The following GABRP variants were observed in gnomAD, a reference collection of about 807,000 sequenced individuals.
The protein encoded by GABRP is gamma-aminobutyric acid type A receptor subunit pi, also known as gamma-aminobutyric acid receptor subunit pi.
Under a neutral mutation model 47.8 loss-of-function variants are expected in GABRP, and 52 were observed. That is an observed-to-expected ratio of 1.09 (90% CI 0.87 to 1.37). The LOEUF (loss-of-function observed/expected upper bound fraction) is 1.37. GABRP is among the 40% of genes most tolerant of loss of function. The probability of loss-of-function intolerance (pLI) is 0.00; values close to 1 mark genes in which losing one functional copy is unlikely to be tolerated. For missense variants in GABRP, 525 were observed against 542.8 expected, an observed-to-expected ratio of 0.97 and a Z score of 0.33; for synonymous variants, 221 against 205.8, an observed-to-expected ratio of 1.07 and a Z score of -0.63.
chr5:170,786,341 C>G (rs2127247737), intron 1 of GABRP, among the ~76,000 whole-genome samples: 1 of 152,060 alleles, frequency 6.6e-6, no homozygotes, highest in East Asian at 1.9e-4. Flanking sequence ...TGAGTGAGAA[C>G]AAAAAAGCTA....
chr5:170,789,180 G>A lies in GABRP; in HGVS notation c.105G>A (p.Lys35=). ...QFNVEVGRSD[K]LSLPGFENLT... is the part of the protein sequence containing the mutation. ...ACGTCGAGGTCGGCAGAAGTGACAA[G>A]CTTTCCCTGCCTGGCTTTGAGAACC... The change falls in exon 3 of 10, where the codon AAG becomes AAA. Residue 35 remains lysine (K), a synonymous_variant. Transcript: ENST00000265294. 1 of 1,614,190 alleles carries A rather than the reference G, an allele frequency of 6.2e-7. No individual in the cohort carries two copies. Among genetic ancestry groups the A allele is most frequent in the Non-Finnish European group, 8.5e-7 (1 of 1,180,034 alleles).
At chr5:170,784,757 T>G (rs1075966) in intron 1 of GABRP, among the ~76,000 whole-genome samples, 1 of 152,052 alleles carries the variant, frequency 6.6e-6, no homozygotes, top group South Asian at 2.1e-4. Flanking sequence ...ATTTGTCAGA[T>G]GGGAAAACTG....
chr5:170,788,467 G>C (rs2127249975), intron 1 of GABRP, 107 bp from the exon 2 acceptor site: 1 of 685,360 alleles, frequency 1.5e-6, no homozygotes, highest in Non-Finnish European at 2.6e-6. Flanking sequence ...TGCTTCCTAT[G>C]CATGCTGAGA....
intron 3 of GABRP, among the ~76,000 whole-genome samples, chr5:170,791,600 C>G (rs928215901): frequency 6.6e-6 from 1 of 152,162 alleles, no homozygotes; most frequent in African/African-American, 2.4e-5. Context: ...AAGCTCTGGT[C>G]CAGTAGAAAA....
At position 170,788,675 on chromosome 5, in the gene GABRP, T is replaced by C. The variant is rs1003186656; in HGVS notation, c.53+7T>C. On this transcript the variant is annotated splice_region_variant and intron_variant, in intron 2 of 9. Coordinates refer to ENST00000265294, the MANE Select transcript of GABRP (RefSeq NM_014211.3). ...TGAGTCTCTTCACTGAGAGGTGAGC[T>C]TTGCTACCCCCAGAATGGCCTCCAT... 1 of 1,613,874 alleles carries C rather than the reference T, an allele frequency of 6.2e-7. No individual in the cohort carries two copies. The highest frequency in any genetic ancestry group is 1.1e-5 in the South Asian group (1 of 91,068).
intron 6 of GABRP, among the ~76,000 whole-genome samples, chr5:170,805,203 T>C (rs1297508859): frequency 2.0e-5 from 3 of 152,006 alleles, no homozygotes; most frequent in Non-Finnish European, 4.4e-5. Context: ...CTATTGTTAC[T>C]ATTATCAAGT....
At chr5:170,806,844 AG>A (rs1765749557) in intron 7 of GABRP, among the ~76,000 whole-genome samples, 1 of 152,224 alleles carries the variant, frequency 6.6e-6, no homozygotes, top group African/African-American at 2.4e-5. Flanking sequence ...TATAGAGAAA[AG>A]ACTGGAATAG....
In GABRP at chr5:170,808,662, G is replaced by T; in HGVS notation, c.742G>T (p.Glu248Ter). The T allele has an allele frequency of 6.2e-7, 1 of 1,613,968 alleles. No individual in the cohort carries two copies. Among genetic ancestry groups the T allele is most frequent in the South Asian group, 1.1e-5 (1 of 91,068 alleles). Reference protein sequence around the residue: ...LRRNVLYFILETYVPSTFLVV... With the variant: ...LRRNVLYFIL ...GAGGAATGTTCTGTATTTCATTTTG[G>T]AAACCTACGTTCCTTCCACTTTCCT... Residue 248 changes from glutamate (E) to a stop codon, truncating the protein, a stop_gained, in exon 8 of 10, where the codon GAA (glutamate) becomes TAA (stop). Transcript: ENST00000265294. LOFTEE classifies it high-confidence loss of function.
intron 4 of GABRP, 161 bp downstream of exon 4, chr5:170,794,459 A>C: frequency 2.3e-6 from 1 of 439,344 alleles, no homozygotes; most frequent in Non-Finnish European, 4.1e-6. Flanking sequence ...TCCAAACTCA[A>C]GACAGTGGGA....
At chr5:170,788,768 A>G in intron 2 of GABRP, 100 bp downstream of exon 2, 3 of 1,128,822 alleles carry the variant, frequency 2.7e-6, no homozygotes, top group Admixed American at 1.7e-5. Context: ...ACAGCAAGGC[A>G]AAACCCGGTC....
At chr5:170,809,547 A>C (rs1427044838) in intron 8 of GABRP, 21 bp from the exon 9 acceptor site, 1 of 1,612,326 alleles carries the variant, frequency 6.2e-7, no homozygotes, top group African/African-American at 1.3e-5. Flanking sequence ...TTGTAGGAAC[A>C]TCCCCTGCCT....
At chr5:170,808,542 G>A in intron 7 of GABRP, 58 bp from the exon 8 acceptor site, 11 of 1,513,738 alleles carry the variant, frequency 7.3e-6, no homozygotes, top group Non-Finnish European at 6.4e-6. Flanking sequence ...GCATCCCATA[G>A]AGAAACCACT....
chr5:170,805,736 G>A lies in GABRP; in HGVS notation c.562G>A (p.Val188Met), dbSNP rs1263092167. 6.2e-7 allele frequency: 1 copy of A among 1,614,206 alleles called. No homozygotes were observed. Among genetic ancestry groups the A allele is most frequent in the South Asian group, 1.1e-5 (1 of 91,086 alleles). Residue 188 changes from valine (V) to methionine (M), a missense_variant, in exon 7 of 10, where the codon GTG (valine) becomes ATG (methionine). Val to Met is a conservative substitution (Grantham distance 21, BLOSUM62 1). Transcript: ENST00000265294. ...LESWGYDGND[V>M]EFTWLRGNDS... ...GCCAGGGGGCTATGATGGAAATGATGTGGAGTTCACCTGGCTGAGAGGGAA... is the reference window on the plus strand; with the variant it reads ...GCCAGGGGGCTATGATGGAAATGATATGGAGTTCACCTGGCTGAGAGGGAA...
At chr5:170,786,678 T>A (rs1402103325) in intron 1 of GABRP, among the ~76,000 whole-genome samples, 1 of 152,184 alleles carries the variant, frequency 6.6e-6, no homozygotes, top group Non-Finnish European at 1.5e-5. Context: ...TCCTCTCTAA[T>A]CCTCAGTATT....
At position 170,807,723 on chromosome 5, in the gene GABRP, G is replaced by A. The variant is rs535826818; in HGVS notation, c.680-877G>A. Among the ~76,000 whole-genome samples, 4 of 152,106 alleles carry A rather than the reference G, an allele frequency of 2.6e-5. No homozygotes were observed. In the South Asian group the frequency reaches 8.3e-4, roughly 32 times the overall value. On this transcript the variant is annotated intron_variant, in intron 7 of 9. Coordinates refer to ENST00000265294, the MANE Select transcript of GABRP (RefSeq NM_014211.3). Reference sequence around the variant, plus strand: ...TCTAGGGTCTCACCAAGCTCGAAAAGTACATATTTTTATTCTATACTATAT... The same window carrying A: ...TCTAGGGTCTCACCAAGCTCGAAAAATACATATTTTTATTCTATACTATAT...
chr5:170,803,181 A>C (rs1192142328), intron 6 of GABRP, among the ~76,000 whole-genome samples: 1 of 152,196 alleles, frequency 6.6e-6, no homozygotes, highest in Non-Finnish European at 1.5e-5. Context: ...AAATCCCCTA[A>C]GAGTTCATGG....
chr5:170,784,971 T>C (rs1017332835), intron 1 of GABRP, among the ~76,000 whole-genome samples: 4 of 152,198 alleles, frequency 2.6e-5, no homozygotes, highest in Admixed American at 6.5e-5. Flanking sequence ...AACATCTGTG[T>C]TGCAGCTTTG....
chr5:170,797,520 A>C lies in GABRP; in HGVS notation c.513A>C (p.Thr171=). 2 of 1,612,484 alleles carry C rather than the reference A, an allele frequency of 1.2e-6. No homozygotes were observed. ...NMDLSKYPMD[T]QTCKLQLESW... is the part of the protein sequence containing the mutation. ...ATCTGTCTAAATACCCCATGGACAC[A>C]CAGACATGCAAGTTGCAGCTGGAAA... The change falls in exon 6 of 10, where the codon ACA becomes ACC. Residue 171 remains threonine, a synonymous_variant. Coordinates refer to ENST00000265294, the MANE Select transcript of GABRP (RefSeq NM_014211.3).
chr5:170,803,432 G>A (rs1239978059), intron 6 of GABRP, among the ~76,000 whole-genome samples: 1 of 152,194 alleles, frequency 6.6e-6, no homozygotes, highest in Non-Finnish European at 1.5e-5. Flanking sequence ...TTTCCTATCA[G>A]TGAAGTGGGA....
Sources: allele counts gnomAD v4.1 joint callset (sites outside exome capture counted in the v4.1 genomes callset), GRCh38; gene constraint gnomAD v4.1.1; transcripts MANE v1.5; gene names NCBI Gene and HGNC (gene_info 2026-07-23, HGNC 2026-07-21).